COL4A6: variants seen among roughly 807,000 people sequenced by gnomAD.
COL4A6 encodes the protein collagen type IV alpha 6 chain.
In COL4A6, 59 loss-of-function variants were observed where a neutral mutation model predicts 126.7. The ratio of observed to expected loss-of-function variants is 0.47; its 90% CI spans 0.38 to 0.58. The LOEUF (loss-of-function observed/expected upper bound fraction) is 0.58. Ranked by LOEUF, COL4A6 falls within the 20% of genes least tolerant of loss-of-function variation. COL4A6 has a pLI of 0.00. For synonymous variants in COL4A6, 547 were observed against 496.6 expected (o/e 1.10, Z -1.35); for missense variants, 1,285 against 1,337.3 (o/e 0.96, Z 0.61).
chrX:108,428,036 G>A (rs2064116445), intron 2 of COL4A6, among the ~76,000 whole-genome samples: 1 of 111,592 alleles, frequency 9.0e-6, no homozygotes. Flanking sequence ...AAAGAGATGA[G>A]GGGGACAACT....
intron 3 of COL4A6, among the ~76,000 whole-genome samples, chrX:108,245,691 GGT>G (rs2036701436): frequency 1.8e-5 from 2 of 111,605 alleles, no homozygotes; most frequent in Non-Finnish European, 3.8e-5. Context: ...GTCCTCAAAG[GGT>G]GCATATTTTA....
chrX:108,338,720 T>C (rs1391556820), intron 2 of COL4A6, among the ~76,000 whole-genome samples: 1 of 112,263 alleles, frequency 8.9e-6, no homozygotes, highest in African/African-American at 3.2e-5. Context: ...GAGATTGCAC[T>C]GTTGCAAACA....
chrX:108,345,422 G>A (rs1264361334), intron 2 of COL4A6, among the ~76,000 whole-genome samples: 2 of 111,787 alleles, frequency 1.8e-5, no homozygotes, highest in Non-Finnish European at 3.8e-5. Context: ...ATCTGGAATT[G>A]TGGACAAGGC....
At chrX:108,183,355 G>T (rs747160166) in intron 23 of COL4A6, among the ~76,000 whole-genome samples, 1 of 112,188 alleles carries the variant, frequency 8.9e-6, no homozygotes, top group African/African-American at 3.2e-5. Context: ...ATAAAGTTCA[G>T]ACATGTGTGG....
At chrX:108,316,757 A>C (rs1393789917) in intron 2 of COL4A6, among the ~76,000 whole-genome samples, 2 of 112,545 alleles carry the variant, frequency 1.8e-5, no homozygotes, top group African/African-American at 6.4e-5. Context: ...CTGAGGAAAG[A>C]GTATTCTAGG....
intron 2 of COL4A6, among the ~76,000 whole-genome samples, chrX:108,373,538 G>T (rs1412535746): frequency 1.8e-5 from 2 of 111,111 alleles, no homozygotes; most frequent in African/African-American, 6.6e-5. Flanking sequence ...CTAAACCCAG[G>T]TCTCCTGAAT....
chrX:108,381,871 T>C (rs1380177692), intron 2 of COL4A6, among the ~76,000 whole-genome samples: 4 of 111,963 alleles, frequency 3.6e-5, no homozygotes, highest in Non-Finnish European at 5.6e-5. Flanking sequence ...TATTTGAATC[T>C]ACTCTTTCTT....
chrX:108,353,970 T>C (rs1217822723), intron 2 of COL4A6, among the ~76,000 whole-genome samples: 1 of 111,407 alleles, frequency 9.0e-6, no homozygotes, highest in Non-Finnish European at 1.9e-5. Flanking sequence ...CTGGCCAACA[T>C]GGTGAAACCC....
chrX:108,252,148 C>T (rs1394861731), intron 3 of COL4A6, among the ~76,000 whole-genome samples: 1 of 110,983 alleles, frequency 9.0e-6, no homozygotes, highest in Non-Finnish European at 1.9e-5. Flanking sequence ...CCCTACTCTC[C>T]CTAGACTCTG....
At chrX:108,300,724 C>CGTGTGTGTGTGTGT (rs58203884) in intron 3 of COL4A6, among the ~76,000 whole-genome samples, 5,243 of 92,290 alleles carry the variant, frequency 0.057, 207 homozygotes, top group East Asian at 0.18. Flanking sequence ...CAAACATTGG[C>CGTGTGTGTGTGTGT]GTGTGTGTGT....
intron 19 of COL4A6, among the ~76,000 whole-genome samples, chrX:108,190,924 C>T (rs2035020038): frequency 8.9e-6 from 1 of 112,006 alleles, no homozygotes; most frequent in African/African-American, 3.2e-5. Flanking sequence ...TAGAATCTCA[C>T]ACTCAAGTAG....
rs1161849948 is a variant in COL4A6, at chrX:108,199,572, TG to T, written c.835-2994del. Among the ~76,000 whole-genome samples, 5 of 111,984 alleles carry T rather than the reference TG, an allele frequency of 4.5e-5. No individual in the cohort carries two copies. In the East Asian group the frequency reaches 1.4e-3, roughly 31 times the overall value. ...TAGCTTTGATGTCTTTACAATCAACTGGGGTTTCTATTTTTCAGCCCACACT... is the reference window on the plus strand; with the variant it reads ...TAGCTTTGATGTCTTTACAATCAACTGGGTTTCTATTTTTCAGCCCACACT... On this transcript the variant is annotated intron_variant, in intron 13 of 44. Transcript: ENST00000334504.
At chrX:108,178,341 C>T (rs1053907068) in intron 27 of COL4A6, among the ~76,000 whole-genome samples, 2 of 112,132 alleles carry the variant, frequency 1.8e-5, no homozygotes, top group Non-Finnish European at 3.8e-5. Context: ...GCCCACAGCA[C>T]CAGTGAAGGC....
At chrX:108,259,302 G>T (rs1460800755) in intron 3 of COL4A6, among the ~76,000 whole-genome samples, 1 of 111,223 alleles carries the variant, frequency 9.0e-6, no homozygotes, top group Non-Finnish European at 1.9e-5. Context: ...CTAACTTATG[G>T]GAAAATCCAC....
chrX:108,357,648 C>T (rs2039988267), intron 2 of COL4A6, among the ~76,000 whole-genome samples: 1 of 111,565 alleles, frequency 9.0e-6, no homozygotes, highest in Non-Finnish European at 1.9e-5. Context: ...TTCCACCAAT[C>T]TCCCTTTACA....
At chrX:108,170,465 C>T (rs2034265024) in intron 35 of COL4A6, 144 bp downstream of exon 35, 1 of 547,282 alleles carries the variant, frequency 1.8e-6, no homozygotes, top group Admixed American at 3.0e-5. Flanking sequence ...CATTACTCTT[C>T]ATCTTCCTTT....
chrX:108,176,653 G>A (rs1340210530), intron 28 of COL4A6, among the ~76,000 whole-genome samples, 188 bp downstream of exon 28: 3 of 112,300 alleles, frequency 2.7e-5, no homozygotes, highest in African/African-American at 9.7e-5. Context: ...CCAGCAGGCA[G>A]TGAGGGTGAC....
chrX:108,361,948 A>T (rs1189594122), intron 2 of COL4A6, among the ~76,000 whole-genome samples: 1 of 111,983 alleles, frequency 8.9e-6, no homozygotes, highest in Non-Finnish European at 1.9e-5. Context: ...ACTATTAATA[A>T]TGTAACGTAT....
intron 37 of COL4A6, 86 bp from the exon 38 acceptor site, chrX:108,165,572 C>T: frequency 1.6e-6 from 1 of 637,885 alleles, no homozygotes; most frequent in Admixed American, 4.1e-5. Context: ...GAAGCTCACA[C>T]AGAGAAAATG....
Sources: allele counts gnomAD v4.1 joint callset (sites outside exome capture counted in the v4.1 genomes callset), GRCh38; gene constraint gnomAD v4.1.1; transcripts MANE v1.5; gene names NCBI Gene and HGNC (gene_info 2026-07-23, HGNC 2026-07-21).